Variants in EVC2 observed in about 807,000 individuals in gnomAD.
EVC2 encodes the protein limbin.
Under a neutral mutation model 149.3 loss-of-function variants are expected in EVC2, and 148 were observed. That is an observed-to-expected ratio of 0.99 (90% confidence interval 0.87 to 1.14). The LOEUF (loss-of-function observed/expected upper bound fraction) is 1.14. Among genes scored for constraint, EVC2 ranks in the 50% most tolerant of loss-of-function variants. The pLI, the probability that EVC2 is intolerant of heterozygous loss-of-function variation, is 0.00. For missense variants in EVC2, 1,854 were observed against 1,627.3 expected (o/e 1.14, Z -2.40); for synonymous variants, 776 against 649.9 (o/e 1.19, Z -2.95).
chr4:5,650,604 C>CATATATATATATATATAT (rs66673359), intron 9 of EVC2, among the ~76,000 whole-genome samples: 6 of 53,026 alleles, frequency 1.1e-4, no homozygotes, highest in East Asian at 8.5e-4. Context: ...TTTTAATCGC[C>CATATATATATATATATAT]ATATATATAT....
downstream of EVC2, among the ~76,000 whole-genome samples, chr4:5,540,586 T>A (rs573787788): frequency 3.3e-5 from 5 of 152,350 alleles, no homozygotes; most frequent in East Asian, 7.7e-4. Context: ...GTTCCATTTA[T>A]ATAAAATGCT....
At chr4:5,655,063 A>T (rs1718425024) in intron 9 of EVC2, among the ~76,000 whole-genome samples, 1 of 152,168 alleles carries the variant, frequency 6.6e-6, no homozygotes, top group Non-Finnish European at 1.5e-5. Context: ...GGTGTTTGTC[A>T]CACAGAACTC....
intron 1 of EVC2, 123 bp from the exon 2 acceptor site, chr4:5,697,770 G>C: frequency 1.2e-6 from 1 of 835,038 alleles, no homozygotes; most frequent in Non-Finnish European, 1.9e-6. Context: ...TTCTGAGACA[G>C]AGTCTTGCTC....
intron 7 of EVC2, among the ~76,000 whole-genome samples, chr4:5,680,160 G>T (rs915449136): frequency 5.3e-5 from 8 of 152,128 alleles, no homozygotes; most frequent in African/African-American, 1.7e-4. Flanking sequence ...TGACGGACCT[G>T]CCTGAGGCTG....
chr4:5,564,159 A>C (rs1270559054), intron 21 of EVC2, among the ~76,000 whole-genome samples: 1 of 152,156 alleles, frequency 6.6e-6, no homozygotes, highest in African/African-American at 2.4e-5. Context: ...ATCACCACTA[A>C]TTACTGCCCT....
upstream of EVC2, chr4:5,709,129 G>A (rs3755842): frequency 0.24 from 36,852 of 152,812 alleles, 4,506 homozygotes; most frequent in Middle Eastern, 0.27. Context: ...ATTCCCAGTG[G>A]GAAACAGGCC....
intron 16 of EVC2, among the ~76,000 whole-genome samples, chr4:5,601,226 T>C (rs1167333951): frequency 1.3e-5 from 2 of 151,964 alleles, no homozygotes; most frequent in African/African-American, 4.8e-5. Context: ...CCACCAAAGA[T>C]GACCACATAC....
rs764417189 is a variant in EVC2 at position 5,631,960 on chromosome 4, C to T, written c.1543G>A (p.Ala515Thr). The T allele has an allele frequency of 1.9e-5, 30 of 1,614,080 alleles. 1 individual carries two copies. In the East Asian group the frequency reaches 2.7e-4, roughly 14 times the overall value. The change falls in exon 11 of 22, where the codon GCT becomes ACT. Residue 515 changes from alanine (A) to threonine (T), a missense_variant. Physicochemically the swap from Ala to Thr is moderately conservative, Grantham distance 58. Transcript: ENST00000344408. ...GCAAAGTCTTCTTCTTGTTGCAAAG[C>T]GAGAGACTTCCTCAAGTGCTCCTGT... ...LEQEHLRKSL[A>T]LQQEEDFAKA...
chr4:5,640,008 G>A lies in EVC2; in HGVS notation c.1470+506C>T, dbSNP rs1223720218. Among the ~76,000 whole-genome samples, 1 of 152,186 alleles carries A rather than the reference G, an allele frequency of 6.6e-6. No individual in the cohort carries two copies. The highest frequency in any genetic ancestry group is 1.5e-5 in the Non-Finnish European group (1 of 68,036). ...ATTTTTGCTAAATGAATTCTGGATG[G>A]ATGGATGGGTGGATGAGTGATAATG... On this transcript the variant is annotated intron_variant, in intron 10 of 21. Transcript: ENST00000344408. This position sits in a 1 kb window ranked among gnomAD's most constrained non-coding sequence, Gnocchi z 4.6.
intron 16 of EVC2, among the ~76,000 whole-genome samples, chr4:5,609,200 T>C (rs1714632569): frequency 6.6e-6 from 1 of 152,154 alleles, no homozygotes; most frequent in African/African-American, 2.4e-5. Flanking sequence ...CTCCTATCTA[T>C]CTACCCTCTT....
chr4:5,639,080 G>A (rs1449833667), intron 10 of EVC2, among the ~76,000 whole-genome samples: 1 of 152,116 alleles, frequency 6.6e-6, no homozygotes, highest in Non-Finnish European at 1.5e-5. Context: ...GGACAGCGAG[G>A]ACCTTGCCCC....
rs772203046 is a variant in EVC2 at position 5,565,244 on chromosome 4, G to A, written c.3659+14C>T. 2.5e-6 allele frequency: 4 copies of A among 1,611,750 alleles called. No homozygotes were observed. Among genetic ancestry groups the A allele is most frequent in the South Asian group, 2.2e-5 (2 of 91,040 alleles). ...ACCCCCTCCCCAGCCACATGAGCAG[G>A]TGCCCATCATTACCTCTGCTTTCTC... On this transcript the variant is annotated intron_variant, in intron 21 of 21. Coordinates refer to ENST00000344408, the MANE Select transcript of EVC2 (RefSeq NM_147127.5).
chr4:5,536,588 TC>T, the EVC2 span, among the ~76,000 whole-genome samples: 1 of 151,922 alleles, frequency 6.6e-6, no homozygotes, highest in Admixed American at 6.6e-5. Context: ...ATCGAGACCA[TC>T]TTGGCTAACA....
At chr4:5,563,238 A>G (rs940149652) in intron 21 of EVC2, 123 bp from the exon 22 acceptor site, 6 of 969,954 alleles carry the variant, frequency 6.2e-6, no homozygotes, top group African/African-American at 1.6e-5. Flanking sequence ...CATTTTAACA[A>G]AAGGTTATTT....
chr4:5,603,643 A>C (rs1714166918), intron 16 of EVC2, among the ~76,000 whole-genome samples: 1 of 152,216 alleles, frequency 6.6e-6, no homozygotes, highest in African/African-American at 2.4e-5. Flanking sequence ...CAGGAGTTCC[A>C]CTTCTGAATG....
At chr4:5,571,462 A>C (rs963648534) in intron 19 of EVC2, among the ~76,000 whole-genome samples, 5 of 151,954 alleles carry the variant, frequency 3.3e-5, no homozygotes, top group African/African-American at 1.2e-4. Context: ...ATAAAAAAAA[A>C]ATTAAAGAAA....
intron 16 of EVC2, among the ~76,000 whole-genome samples, chr4:5,602,104 T>A (rs1714025822): frequency 6.6e-6 from 1 of 151,872 alleles, no homozygotes; most frequent in African/African-American, 2.4e-5. Context: ...GTGAGAAACC[T>A]GTCCCTATAA....
At chr4:5,532,626 A>G in the EVC2 span, among the ~76,000 whole-genome samples, 2 of 152,102 alleles carry the variant, frequency 1.3e-5, no homozygotes, top group African/African-American at 2.4e-5. Context: ...CCTTCCTTCT[A>G]AAGCTGACTG....
intron 12 of EVC2, among the ~76,000 whole-genome samples, chr4:5,627,342 G>A (rs1003679737): frequency 1.1e-4 from 17 of 152,212 alleles, no homozygotes; most frequent in Admixed American, 2.6e-4. Flanking sequence ...CAGCTGGTGG[G>A]CCCTTCAATT....
Sources: gnomAD v4.1 joint callset for allele counts (sites outside exome capture counted in the v4.1 genomes callset) on GRCh38, gnomAD v4.1.1 for gene constraint, Gnocchi (gnomAD v3.1) non-coding constraint, MANE v1.5 for transcripts, NCBI Gene and HGNC (gene_info 2026-07-23, HGNC 2026-07-21) for gene names.